Variants in ZNF343 observed in about 807,000 individuals in gnomAD.
ZNF343 encodes zinc finger protein 343.
In ZNF343, 11 loss-of-function variants were observed where a neutral mutation model predicts 13.8. The observed-to-expected ratio is 0.80, with a 90% CI of 0.50 to 1.32. The LOEUF is 1.32. ZNF343 is among the 40% of genes most tolerant of loss of function. The pLI, the probability that ZNF343 is intolerant of heterozygous loss-of-function variation, is 0.00. For missense variants in ZNF343, 658 were observed against 714.2 expected, an observed-to-expected ratio of 0.92 and a Z score of 0.90; for synonymous variants, 248 against 260.0, an observed-to-expected ratio of 0.95 and a Z score of 0.44.
intron 1 of ZNF343, among the ~76,000 whole-genome samples, chr20:2,515,580 T>C (rs1295921053): frequency 6.6e-6 from 1 of 152,266 alleles, no homozygotes; most frequent in East Asian, 1.9e-4. Context: ...TTGAGACACA[T>C]GTATGTCCTG....
At chr20:2,517,687 T>G (rs1197922951) in intron 1 of ZNF343, among the ~76,000 whole-genome samples, 2 of 149,380 alleles carry the variant, frequency 1.3e-5, no homozygotes, top group African/African-American at 2.5e-5. Context: ...TTTTTTTTTT[T>G]GTAGAGATGG....
chr20:2,495,437 A>G (rs376694431), intron 2 of ZNF343: 3 of 152,340 alleles, frequency 2.0e-5, no homozygotes, highest in African/African-American at 7.2e-5. Context: ...ATGTGAGTGA[A>G]AGCGACGATG....
chr20:2,502,996 C>G (rs951137763), intron 1 of ZNF343, among the ~76,000 whole-genome samples: 1 of 152,084 alleles, frequency 6.6e-6, no homozygotes, highest in Non-Finnish European at 1.5e-5. Context: ...CTAAATGCTC[C>G]AATTAAAAGA....
chr20:2,494,858 A>G (rs2085431993), intron 2 of ZNF343, among the ~76,000 whole-genome samples: 2 of 152,120 alleles, frequency 1.3e-5, no homozygotes, highest in Admixed American at 1.3e-4. Context: ...GGAGAGCTCC[A>G]GTTCTCACAA....
At chr20:2,490,583 G>C (rs1263784004) in intron 5 of ZNF343, among the ~76,000 whole-genome samples, 1 of 149,192 alleles carries the variant, frequency 6.7e-6, no homozygotes, top group Non-Finnish European at 1.5e-5. Flanking sequence ...TGTTCCCCAG[G>C]CTGGAGTGCA....
At chr20:2,488,176 C>T (rs2085311619) in intron 5 of ZNF343, among the ~76,000 whole-genome samples, 1 of 152,108 alleles carries the variant, frequency 6.6e-6, no homozygotes, top group South Asian at 2.1e-4. Context: ...GGATTTTTAG[C>T]CAAATTTAGA....
Position 2,483,458 on chromosome 20 carries a change from AC to A in ZNF343, c.1502del (p.Gly501ValfsTer110), listed in dbSNP as rs1383988149. On this transcript the variant is annotated frameshift_variant, in exon 6 of 6. Coordinates refer to ENST00000278772, the MANE Select transcript of ZNF343 (RefSeq NM_024325.6). LOFTEE classifies it low-confidence loss of function (END_TRUNC). Reference protein sequence around the residue: ...KHYVCRECRRGFSQKSNLIRH... With the variant: ...KHYVCRECRRXFSQKSNLIRH... ...TGATGAGATTTGACTTCTGGCTAAA[AC>A]CTCGCCTACACTCCCTGCAGACATA... is the stretch of plus-strand genomic sequence containing the variant. 2.1e-6 allele frequency: 3 copies of A among 1,413,068 alleles called. No homozygotes were observed. Among genetic ancestry groups the A allele is most frequent in the Non-Finnish European group, 1.9e-6 (2 of 1,074,892 alleles). 87.5% of individuals were successfully genotyped at this position (1,413,068 alleles called of 1,614,324 possible).
intron 1 of ZNF343, among the ~76,000 whole-genome samples, chr20:2,504,814 A>G (rs2085628159): frequency 6.6e-6 from 1 of 152,214 alleles, no homozygotes; most frequent in Non-Finnish European, 1.5e-5. Flanking sequence ...AAATAATAAG[A>G]GCTATCAATG....
At chr20:2,520,159 C>T (rs1228945597) in intron 1 of ZNF343, among the ~76,000 whole-genome samples, 1 of 152,178 alleles carries the variant, frequency 6.6e-6, no homozygotes, top group Non-Finnish European at 1.5e-5. Flanking sequence ...CTAAGTTTCA[C>T]TAATACTGCT....
At chr20:2,498,136 C>G (rs1178951082) in intron 2 of ZNF343, among the ~76,000 whole-genome samples, 1 of 152,168 alleles carries the variant, frequency 6.6e-6, no homozygotes, top group Non-Finnish European at 1.5e-5. Context: ...GCGGGTGGAT[C>G]ACCTGAGGTC....
Position 2,500,646 on chromosome 20 carries a change from TGGTAC to T in ZNF343, c.-150+5_-150+9del, listed in dbSNP as rs1349454559. ...ACGCTATGGGAATGTGAAAGGTAAGTGGTACCTACCTGATAGGAAGTTCTCGGGAG... is the reference window on the plus strand; with the variant it reads ...ACGCTATGGGAATGTGAAAGGTAAGTCTACCTGATAGGAAGTTCTCGGGAG... On this transcript the variant is annotated splice_donor_5th_base_variant and intron_variant, in intron 2 of 5. Transcript: ENST00000278772. The T allele has an allele frequency of 6.6e-6, 1 of 152,180 alleles. No homozygotes were observed. Among genetic ancestry groups the T allele is most frequent in the African/African-American group, 2.4e-5 (1 of 41,448 alleles). 9.4% of individuals were successfully genotyped at this position (152,180 alleles called of 1,614,324 possible).
chr20:2,523,734 G>T, intron 1 of ZNF343, among the ~76,000 whole-genome samples: 1 of 135,432 alleles, frequency 7.4e-6, no homozygotes, highest in Admixed American at 8.5e-5. Flanking sequence ...GGGCTAGGAT[G>T]CAATGGTGCG....
rs1363428847 is a variant in ZNF343, at chr20:2,483,863, T to A, written c.1098A>T (p.Ser366=). The change falls in exon 6 of 6, where the codon TCA becomes TCT. Residue 366 remains serine, a synonymous_variant. Transcript: ENST00000278772. ...SECGRGFSEK[S]SFIRHQRTHS... ...GTGTCCTCTGGTGTCTGATGAAGGA[T>A]GACTTCTCGCTAAAGCCTCGCCCAC... 1.2e-6 allele frequency: 2 copies of A among 1,613,864 alleles called. No individual in the cohort carries two copies. Among genetic ancestry groups the A allele is most frequent in the Non-Finnish European group, 8.5e-7 (1 of 1,179,914 alleles).
upstream of ZNF343, among the ~76,000 whole-genome samples, chr20:2,513,096 T>A (rs1289402261): frequency 6.6e-6 from 1 of 151,944 alleles, no homozygotes; most frequent in African/African-American, 2.4e-5. Flanking sequence ...TGAGACCCTG[T>A]CTCAAAAAAG....
At position 2,492,771 on chromosome 20, in the gene ZNF343, T is replaced by C. The variant is rs200143789; in HGVS notation, c.232A>G (p.Arg78Gly). The change falls in exon 5 of 6, where the codon AGA becomes GGA. Residue 78 changes from arginine to glycine, a missense_variant. Coordinates refer to ENST00000278772, the MANE Select transcript of ZNF343 (RefSeq NM_024325.6). Reference protein sequence around the residue: ...TVIFTEAEWKRLSPEQRNLYK... With the variant: ...TVIFTEAEWKGLSPEQRNLYK... ...AGATTCCTCTGCTCTGGACTCAGTCTCTTCCATTCTGCTTCTGTGAAGATC... is the reference window on the plus strand; with the variant it reads ...AGATTCCTCTGCTCTGGACTCAGTCCCTTCCATTCTGCTTCTGTGAAGATC... 9.8e-5 allele frequency: 158 copies of C among 1,613,644 alleles called. 2 individuals carry two copies. In the East Asian group the frequency reaches 3.0e-3, roughly 30 times the overall value.
intron 2 of ZNF343, among the ~76,000 whole-genome samples, chr20:2,498,832 C>T (rs1226160975): frequency 1.3e-5 from 2 of 152,102 alleles, no homozygotes; most frequent in African/African-American, 2.4e-5. Flanking sequence ...AGCTAATGTG[C>T]GGTGAAGACA....
chr20:2,493,632 C>CA (rs2085407519), intron 3 of ZNF343, 55 bp from the exon 4 acceptor site: 1 of 965,570 alleles, frequency 1.0e-6, no homozygotes, highest in East Asian at 5.0e-5. Flanking sequence ...CCCCACCCCC[C>CA]ACCATGACGC....
rs1199433203 is a variant in ZNF343, at chr20:2,493,533, T to C, written c.163A>G (p.Lys55Glu). 6.2e-7 allele frequency: 1 copy of C among 1,613,716 alleles called. No homozygotes were observed. Among genetic ancestry groups the C allele is most frequent in the Non-Finnish European group, 8.5e-7 (1 of 1,179,910 alleles). The change falls in exon 4 of 6, where the codon AAG (lysine) becomes GAG (glutamate). Residue 55 changes from lysine (K) to glutamate (E), a missense_variant. Lys to Glu is a moderately conservative substitution (Grantham distance 56, BLOSUM62 1). Transcript: ENST00000278772. Reference protein sequence around the residue: ...DTDCPQKKEGKAQIVVPVTFR... With the variant: ...DTDCPQKKEGEAQIVVPVTFR... ...CCCCAACTCACCACTATTTGGGCCTTTCCCTCCTTTTTCTGGGGGCAGTCA... is the reference window on the plus strand; with the variant it reads ...CCCCAACTCACCACTATTTGGGCCTCTCCCTCCTTTTTCTGGGGGCAGTCA...
At chr20:2,491,248 T>G (rs1487848178) in intron 5 of ZNF343, among the ~76,000 whole-genome samples, 1 of 152,178 alleles carries the variant, frequency 6.6e-6, no homozygotes, top group African/African-American at 2.4e-5. Context: ...AAGTGTAAAA[T>G]ACAACCAGGT....
Sources: gnomAD v4.1 joint callset for allele counts (sites outside exome capture counted in the v4.1 genomes callset) on GRCh38, gnomAD v4.1.1 for gene constraint, MANE v1.5 for transcripts, NCBI Gene and HGNC (gene_info 2026-07-23, HGNC 2026-07-21) for gene names.